The following KIF26B variants were observed in gnomAD, a reference collection of about 807,000 sequenced individuals.
The protein encoded by KIF26B is kinesin family member 26B.
KIF26B carries 63 observed loss-of-function variants against 151.2 expected under a neutral mutation model. The ratio of observed to expected loss-of-function variants is 0.42; its 90% CI spans 0.34 to 0.51. KIF26B has a LOEUF of 0.51. Ranked by LOEUF, KIF26B falls within the 20% of genes least tolerant of loss-of-function variation. The pLI is 0.07. For missense variants in KIF26B, 2,813 were observed against 2,913.6 expected (o/e 0.97, Z 0.79); for synonymous variants, 1,357 against 1,262.1 (o/e 1.08, Z -1.59).
At chr1:245,577,321 T>G (rs1307577910) in intron 5 of KIF26B, among the ~76,000 whole-genome samples, 1 of 152,178 alleles carries the variant, frequency 6.6e-6, no homozygotes. Context: ...AAATGTCCCC[T>G]GTCACACAGC....
At chr1:245,659,969 AC>A (rs2044117164) in intron 10 of KIF26B, among the ~76,000 whole-genome samples, 1 of 150,654 alleles carries the variant, frequency 6.6e-6, no homozygotes, top group Admixed American at 6.6e-5. Flanking sequence ...AATCGCTTGA[AC>A]CCCGGGAGGT....
chr1:245,552,129 G>C (rs865858348), intron 5 of KIF26B, among the ~76,000 whole-genome samples: 1 of 101,976 alleles, frequency 9.8e-6, no homozygotes, highest in African/African-American at 5.0e-5. Flanking sequence ...CAGGGTGTGT[G>C]TGTGTGTGTG....
chr1:245,690,218 G>A (rs1281167982), intron 12 of KIF26B, among the ~76,000 whole-genome samples: 4 of 152,222 alleles, frequency 2.6e-5, no homozygotes, highest in East Asian at 1.9e-4. Flanking sequence ...AGAACCCCAC[G>A]TGCAATTCTG....
chr1:245,451,513 T>G (rs1659389618), intron 4 of KIF26B, among the ~76,000 whole-genome samples: 1 of 151,756 alleles, frequency 6.6e-6, no homozygotes, highest in Admixed American at 6.6e-5. Flanking sequence ...TATAGCCAAT[T>G]TTTATGAATT....
intron 3 of KIF26B, among the ~76,000 whole-genome samples, chr1:245,411,362 C>G (rs1244488971): frequency 6.6e-6 from 1 of 152,190 alleles, no homozygotes; most frequent in East Asian, 1.9e-4. Flanking sequence ...AGTGGAATAG[C>G]TTAGTGAGGT....
chr1:245,511,584 T>TTTTGTTTG (rs202131944), intron 4 of KIF26B, among the ~76,000 whole-genome samples: 51 of 152,178 alleles, frequency 3.4e-4, no homozygotes, highest in African/African-American at 1.2e-3. Flanking sequence ...ATGTGAGGGT[T>TTTTGTTTG]TTTGTTTGTT....
At chr1:245,234,059 C>T (rs1670053399) in intron 2 of KIF26B, among the ~76,000 whole-genome samples, 1 of 151,906 alleles carries the variant, frequency 6.6e-6, no homozygotes, top group African/African-American at 2.4e-5. Context: ...TGGCGGGCAC[C>T]TGTAATCCCA....
chr1:245,187,475 C>T lies in KIF26B; in HGVS notation c.465+30792C>T, dbSNP rs150023896. Among the ~76,000 whole-genome samples, 582 of 152,322 alleles carry T rather than the reference C, an allele frequency of 3.8e-3. 1 individual carries two copies. Among genetic ancestry groups the T allele is most frequent in the South Asian group, 9.3e-3 (45 of 4,820 alleles). ...GGAATATGTCCATGTAACAAAATTA[C>T]ACTTGGACCCCATACATTTATACAA... On this transcript the variant is annotated intron_variant, in intron 2 of 14. Transcript: ENST00000407071.
chr1:245,637,821 A>T (rs1228552401), intron 9 of KIF26B, among the ~76,000 whole-genome samples: 1 of 151,824 alleles, frequency 6.6e-6, no homozygotes, highest in Middle Eastern at 3.2e-3. Context: ...AAGTGCATAG[A>T]TTTATTTCTG....
At chr1:245,648,332 T>C (rs1360371760) in intron 10 of KIF26B, among the ~76,000 whole-genome samples, 1 of 152,178 alleles carries the variant, frequency 6.6e-6, no homozygotes, top group Non-Finnish European at 1.5e-5. Context: ...GGGTTTTTTA[T>C]AAATGAGTAG....
At chr1:245,554,082 A>G (rs1624249) in intron 5 of KIF26B, among the ~76,000 whole-genome samples, 11,742 of 151,726 alleles carry the variant, frequency 0.077, 829 homozygotes, top group African/African-American at 0.19. Flanking sequence ...TCTTCCTCCC[A>G]TGTCCCACCC....
intron 5 of KIF26B, among the ~76,000 whole-genome samples, chr1:245,562,089 G>A (rs377312106): frequency 7.4e-4 from 113 of 152,186 alleles, no homozygotes; most frequent in African/African-American, 2.5e-3. Flanking sequence ...ACTGATACTC[G>A]TCCTCCAGCC....
At chr1:245,246,942 TACAGAC>T (rs1430578572) in intron 2 of KIF26B, among the ~76,000 whole-genome samples, 1 of 131,748 alleles carries the variant, frequency 7.6e-6, no homozygotes, top group Non-Finnish European at 1.6e-5. Context: ...CACACACAGA[TACAGAC>T]ACACACACAC....
intron 3 of KIF26B, among the ~76,000 whole-genome samples, chr1:245,374,515 G>A (rs966615520): frequency 3.3e-5 from 5 of 152,070 alleles, no homozygotes; most frequent in African/African-American, 1.2e-4. Context: ...CGCAGCTCTT[G>A]AGGGCTCATC....
intron 4 of KIF26B, among the ~76,000 whole-genome samples, chr1:245,507,375 G>T (rs1319007921): frequency 2.0e-5 from 3 of 152,306 alleles, no homozygotes; most frequent in Non-Finnish European, 4.4e-5. Context: ...TGCCACACAG[G>T]CCAACAAAGC....
At chr1:245,291,226 T>C (rs1483551445) in intron 2 of KIF26B, among the ~76,000 whole-genome samples, 1 of 152,188 alleles carries the variant, frequency 6.6e-6, no homozygotes, top group African/African-American at 2.4e-5. Flanking sequence ...CTGACTTCTT[T>C]GAGAGGAGGA....
At chr1:245,225,387 A>G (rs998798918) in intron 2 of KIF26B, among the ~76,000 whole-genome samples, 1 of 152,208 alleles carries the variant, frequency 6.6e-6, no homozygotes, top group Non-Finnish European at 1.5e-5. Flanking sequence ...TTCCTGTCCA[A>G]TCTCTGTGTA....
rs1672741713 is a variant in KIF26B at position 245,358,317 on chromosome 1, G to A, written c.466-8517G>A. ...GGGCGGATCATGAGGTCAGGAAATC[G>A]AGACCATCCTGGCTAGCAGAGTGAA... On this transcript the variant is annotated intron_variant, in intron 2 of 14. Coordinates refer to ENST00000407071, the MANE Select transcript of KIF26B (RefSeq NM_018012.4). The surrounding 1 kb of genome is among the most constrained non-coding windows in gnomAD (Gnocchi z 4.1). Among the ~76,000 whole-genome samples, 2 of 152,102 alleles carry A rather than the reference G, an allele frequency of 1.3e-5. No homozygotes were observed. Among genetic ancestry groups the A allele is most frequent in the African/African-American group, 2.4e-5 (1 of 41,402 alleles).
chr1:245,175,412 C>T (rs10458421), intron 2 of KIF26B, among the ~76,000 whole-genome samples: 16,665 of 151,934 alleles, frequency 0.11, 1,841 homozygotes, highest in East Asian at 0.4. Context: ...TGAACGTGAT[C>T]ATGATGGATT....
Sources: allele counts gnomAD v4.1 joint callset (sites outside exome capture counted in the v4.1 genomes callset), GRCh38; gene constraint gnomAD v4.1.1; non-coding constraint Gnocchi (gnomAD v3.1); transcripts MANE v1.5; gene names NCBI Gene and HGNC (gene_info 2026-07-23, HGNC 2026-07-21).